Variants in AGPAT4 observed in about 807,000 individuals in gnomAD.
AGPAT4 encodes 1-acyl-sn-glycerol-3-phosphate acyltransferase delta.
Under a neutral mutation model 48.0 loss-of-function variants are expected in AGPAT4, and 15 were observed. The ratio of observed to expected loss-of-function variants is 0.31; its 90% CI spans 0.21 to 0.48. AGPAT4 has a LOEUF of 0.48. AGPAT4 is among the 20% of genes least tolerant of loss of function. AGPAT4 has a pLI of 0.99. For missense variants in AGPAT4, 314 were observed against 482.5 expected (o/e 0.65, Z 3.27); for synonymous variants, 178 against 198.7 (o/e 0.90, Z 0.88).
intron 2 of AGPAT4, among the ~76,000 whole-genome samples, chr6:161,173,028 T>C (rs1205676798): frequency 3.9e-5 from 6 of 152,266 alleles, no homozygotes; most frequent in Non-Finnish European, 8.8e-5. Flanking sequence ...CAAATTTTCT[T>C]AATCCAGTCT....
At position 161,231,644 on chromosome 6, in the gene AGPAT4, G is replaced by T. The variant is rs6455709; in HGVS notation, c.178+392C>A. 1.3e-5 allele frequency among the ~76,000 whole-genome samples: 2 copies of T among 152,112 alleles called. No homozygotes were observed. Among genetic ancestry groups the T allele is most frequent in the South Asian group, 4.1e-4 (2 of 4,822 alleles). ...CACTTAGTTTTTTAAAAAAAAATAC[G>T]TATGTATATGTATCTATATAGATAT... On this transcript the variant is annotated intron_variant, in intron 2 of 8. Transcript: ENST00000320285. This position sits in a 1 kb window ranked among gnomAD's most constrained non-coding sequence, Gnocchi z 5.3.
Position 161,259,322 on chromosome 6 carries a change from C to T in AGPAT4, c.-90+14616G>A, listed in dbSNP as rs1783035655. Among the ~76,000 whole-genome samples, 1 of 152,012 alleles carries T rather than the reference C, an allele frequency of 6.6e-6. No homozygotes were observed. The highest frequency in any genetic ancestry group is 1.5e-5 in the Non-Finnish European group (1 of 68,010). ...ATGGTCACAATGCCATGTAACAGAC[C>T]TCTGCACCCCTGAAGCTTTAACAGC... On this transcript the variant is annotated intron_variant, in intron 1 of 8. Transcript: ENST00000320285. This position sits in a 1 kb window ranked among gnomAD's most constrained non-coding sequence, Gnocchi z 4.9.
Position 161,141,589 on chromosome 6 carries a change from T to A in AGPAT4, c.844-1969A>T, listed in dbSNP as rs9347481. 0.36 allele frequency among the ~76,000 whole-genome samples: 54,146 copies of A among 150,166 alleles called. 10,712 individuals are homozygous for A. The highest frequency in any genetic ancestry group is 0.47 in the East Asian group (2,396 of 5,106). ...GATATTTTTGTGCCTTGTTTTTTTT[T>A]AAAAAAAAAACAGCTTTCTTAAGAT... is the stretch of plus-strand genomic sequence containing the variant. On this transcript the variant is annotated intron_variant, in intron 7 of 8. Coordinates refer to ENST00000320285, the MANE Select transcript of AGPAT4 (RefSeq NM_020133.3). The surrounding 1 kb of genome is among the most constrained non-coding windows in gnomAD (Gnocchi z 6.7).
chr6:161,220,038 G>A lies in AGPAT4; in HGVS notation c.178+11998C>T, dbSNP rs1242972720. Reference sequence around the variant, plus strand: ...AAAATACACAAGGCTTGCTATCACAGTTACATTATTCCTGTTAAAAAACTT... The same window carrying A: ...AAAATACACAAGGCTTGCTATCACAATTACATTATTCCTGTTAAAAAACTT... On this transcript the variant is annotated intron_variant, in intron 2 of 8. Coordinates refer to ENST00000320285, the MANE Select transcript of AGPAT4 (RefSeq NM_020133.3). The surrounding 1 kb of genome is among the most constrained non-coding windows in gnomAD (Gnocchi z 6.0). Among the ~76,000 whole-genome samples the A allele has an allele frequency of 6.6e-6, 1 of 152,098 alleles. No homozygotes were observed. The highest frequency in any genetic ancestry group is 1.9e-4 in the East Asian group (1 of 5,196).
At position 161,220,309 on chromosome 6, in the gene AGPAT4, G is replaced by A. The variant is rs2115026686; in HGVS notation, c.178+11727C>T. 6.6e-6 allele frequency among the ~76,000 whole-genome samples: 1 copy of A among 152,266 alleles called. No homozygotes were observed. Among genetic ancestry groups the A allele is most frequent in the Admixed American group, 6.5e-5 (1 of 15,298 alleles). On this transcript the variant is annotated intron_variant, in intron 2 of 8. Coordinates refer to ENST00000320285, the MANE Select transcript of AGPAT4 (RefSeq NM_020133.3). The surrounding 1 kb of genome is among the most constrained non-coding windows in gnomAD (Gnocchi z 6.0). ...GTTCATTTTGGAATAAGCATCATAT[G>A]GAAAAGTTTAGCCAAGTAAAAGCCC...
chr6:161,263,323 C>A (rs2114754503), intron 1 of AGPAT4, among the ~76,000 whole-genome samples: 1 of 152,248 alleles, frequency 6.6e-6, no homozygotes, highest in Admixed American at 6.5e-5. Flanking sequence ...AACCCTGTCT[C>A]TACTAAAAAT....
In AGPAT4 at chr6:161,237,946, C is replaced by G. The variant is rs987165955; in HGVS notation, c.-89-5644G>C. ...GAGGAGGGACCACAGGGTTGGCATG[C>G]TCTATTAAAGTCAGCAGAAAGGTGA... On this transcript the variant is annotated intron_variant, in intron 1 of 8. Transcript: ENST00000320285. Among the ~76,000 whole-genome samples, 16 of 151,986 alleles carry G rather than the reference C, an allele frequency of 1.1e-4. No individual in the cohort carries two copies. The South Asian group carries it at 1.2e-3, about 12-fold the overall frequency.
chr6:161,150,728 T>TAG (rs1373105294), intron 5 of AGPAT4, among the ~76,000 whole-genome samples: 1 of 152,182 alleles, frequency 6.6e-6, no homozygotes, highest in Non-Finnish European at 1.5e-5. Context: ...GAGGAGTAGC[T>TAG]GCCTGGTCAG....
chr6:161,210,823 T>C (rs1235061450), intron 2 of AGPAT4, among the ~76,000 whole-genome samples: 1 of 152,216 alleles, frequency 6.6e-6, no homozygotes, highest in Non-Finnish European at 1.5e-5. Context: ...ATCAGAATGA[T>C]CTTTTCTTGT....
chr6:161,188,304 A>G (rs1780827153), intron 2 of AGPAT4, among the ~76,000 whole-genome samples: 1 of 152,198 alleles, frequency 6.6e-6, no homozygotes, highest in Non-Finnish European at 1.5e-5. Context: ...CTTCTAGTAG[A>G]AAACCAACTT....
rs1046657097 is a variant in AGPAT4 at position 161,254,516 on chromosome 6, G to A, written c.-90+19422C>T. ...AGCGAATATTTATAGAGCCTCTACC[G>A]CGTGGCCCTGGTGATCTTTTCTCAC... is the stretch of plus-strand genomic sequence containing the variant. On this transcript the variant is annotated intron_variant, in intron 1 of 8. Transcript: ENST00000320285. This position sits in a 1 kb window ranked among gnomAD's most constrained non-coding sequence, Gnocchi z 5.9. Among the ~76,000 whole-genome samples, 1 of 152,168 alleles carries A rather than the reference G, an allele frequency of 6.6e-6. No individual in the cohort carries two copies. Among genetic ancestry groups the A allele is most frequent in the Non-Finnish European group, 1.5e-5 (1 of 68,034 alleles).
rs985004548 is a variant in AGPAT4 at position 161,246,658 on chromosome 6, C to T, written c.-89-14356G>A. On this transcript the variant is annotated intron_variant, in intron 1 of 8. Transcript: ENST00000320285. This position sits in a 1 kb window ranked among gnomAD's most constrained non-coding sequence, Gnocchi z 5.5. ...TCCCAATCTCAGGTGATCCACCGCACCCAGCCTAGCACAGGGGATTCTTAC... is the reference window on the plus strand; with the variant it reads ...TCCCAATCTCAGGTGATCCACCGCATCCAGCCTAGCACAGGGGATTCTTAC... 6.6e-6 allele frequency among the ~76,000 whole-genome samples: 1 copy of T among 151,908 alleles called. No individual in the cohort carries two copies. The highest frequency in any genetic ancestry group is 6.5e-5 in the Admixed American group (1 of 15,268).
chr6:161,256,561 T>A (rs1782948605), intron 1 of AGPAT4, among the ~76,000 whole-genome samples: 1 of 152,190 alleles, frequency 6.6e-6, no homozygotes, highest in South Asian at 2.1e-4. Context: ...GTGACAGACA[T>A]GACACTCGTG....
chr6:161,162,747 T>A (rs1027541606), intron 3 of AGPAT4, among the ~76,000 whole-genome samples: 5 of 152,214 alleles, frequency 3.3e-5, no homozygotes, highest in African/African-American at 1.2e-4. Context: ...TAAATATTGA[T>A]AATATAATAA....
chr6:161,252,126 G>A (rs957618585), intron 1 of AGPAT4, among the ~76,000 whole-genome samples: 60 of 152,192 alleles, frequency 3.9e-4, no homozygotes, highest in African/African-American at 1.4e-3. Flanking sequence ...CAGCAGTAGA[G>A]GGTGTAACGA....
rs1433628277 is a variant in AGPAT4, at chr6:161,144,155, C to A, written c.843+2369G>T. The A allele has an allele frequency of 1.9e-6, 1 of 533,196 alleles. No individual in the cohort carries two copies. Among genetic ancestry groups the A allele is most frequent in the Non-Finnish European group, 3.8e-6 (1 of 259,938 alleles). The allele number at this position is 533,196 out of a possible 1,614,324, so 33.0% of individuals were successfully genotyped here. ...TATTCACCACTCTGCTTGGAGAAACCATGCACCACTTCCACTTGCTGCTCA... is the reference window on the plus strand; with the variant it reads ...TATTCACCACTCTGCTTGGAGAAACAATGCACCACTTCCACTTGCTGCTCA... On this transcript the variant is annotated intron_variant, in intron 7 of 8. Transcript: ENST00000320285. The surrounding 1 kb of genome is among the most constrained non-coding windows in gnomAD (Gnocchi z 6.6).
At chr6:161,211,311 T>C (rs1020571244) in intron 2 of AGPAT4, among the ~76,000 whole-genome samples, 1 of 152,132 alleles carries the variant, frequency 6.6e-6, no homozygotes, top group African/African-American at 2.4e-5. Context: ...AAACATTCTC[T>C]CCAAAAACAA....
Position 161,229,539 on chromosome 6 carries a change from G to C in AGPAT4, c.178+2497C>G, listed in dbSNP as rs1782070454. Among the ~76,000 whole-genome samples the C allele has an allele frequency of 6.6e-6, 1 of 152,120 alleles. No homozygotes were observed. The highest frequency in any genetic ancestry group is 2.4e-5 in the African/African-American group (1 of 41,426). On this transcript the variant is annotated intron_variant, in intron 2 of 8. Transcript: ENST00000320285. This position sits in a 1 kb window ranked among gnomAD's most constrained non-coding sequence, Gnocchi z 6.0. ...AGAGGAAGTCTGTCAATTATTTAGA[G>C]CAAGGAAAAGGAACCAGGAAAAGCG...
In AGPAT4 at chr6:161,249,644, T is replaced by A. The variant is rs1782751353; in HGVS notation, c.-89-17342A>T. On this transcript the variant is annotated intron_variant, in intron 1 of 8. Transcript: ENST00000320285. The surrounding 1 kb of genome is among the most constrained non-coding windows in gnomAD (Gnocchi z 6.2). Reference sequence around the variant, plus strand: ...TCACACCAGTCAGAATGGCTATTATTTAAAAGTCAAAAAATAACACATGCT... The same window carrying A: ...TCACACCAGTCAGAATGGCTATTATATAAAAGTCAAAAAATAACACATGCT... Among the ~76,000 whole-genome samples, 1 of 152,082 alleles carries A rather than the reference T, an allele frequency of 6.6e-6. No individual in the cohort carries two copies. Among genetic ancestry groups the A allele is most frequent in the Non-Finnish European group, 1.5e-5 (1 of 68,002 alleles).
Sources: gnomAD v4.1 joint callset for allele counts (sites outside exome capture counted in the v4.1 genomes callset) on GRCh38, gnomAD v4.1.1 for gene constraint, Gnocchi (gnomAD v3.1) non-coding constraint, MANE v1.5 for transcripts, NCBI Gene and HGNC (gene_info 2026-07-23, HGNC 2026-07-21) for gene names.